The following CSTPP1 variants were observed in gnomAD, a reference collection of about 807,000 sequenced individuals.
The protein encoded by CSTPP1 is centriolar satellite-associated tubulin polyglutamylase complex regulator 1.
At chr11:47,084,505 CA>C in the CSTPP1 span, among the ~76,000 whole-genome samples, 1 of 152,050 alleles carries the variant, frequency 6.6e-6, no homozygotes, top group African/African-American at 2.4e-5. Flanking sequence ...CTTCTAAAAG[CA>C]ATAGAGGTTT....
At chr11:47,022,050 T>TA in the CSTPP1 span, among the ~76,000 whole-genome samples, 359 of 151,894 alleles carry the variant, frequency 2.4e-3, 2 homozygotes, top group African/African-American at 8.3e-3. Flanking sequence ...TTTTTTTTTT[T>TA]ATCACGTAAG....
chr11:47,059,286 A>G, the CSTPP1 span, among the ~76,000 whole-genome samples: 2 of 152,224 alleles, frequency 1.3e-5, no homozygotes, highest in Non-Finnish European at 2.9e-5. Flanking sequence ...ACAAGCCTGC[A>G]CATTCTGTAC....
At chr11:46,998,568 C>CT in the CSTPP1 span, among the ~76,000 whole-genome samples, 69 of 151,088 alleles carry the variant, frequency 4.6e-4, no homozygotes, top group South Asian at 1.3e-3. Flanking sequence ...TTTGGGTTTT[C>CT]TTTTTTTTTG....
At chr11:46,956,009 A>G in the CSTPP1 span, among the ~76,000 whole-genome samples, 1 of 144,474 alleles carries the variant, frequency 6.9e-6, no homozygotes, top group Non-Finnish European at 1.5e-5. Flanking sequence ...CACCAAAAAA[A>G]GAAAGAAATG....
At chr11:46,964,591 G>T in the CSTPP1 span, among the ~76,000 whole-genome samples, 2 of 152,142 alleles carry the variant, frequency 1.3e-5, no homozygotes, top group Non-Finnish European at 2.9e-5. Flanking sequence ...GGCCCACAGT[G>T]CTTTCTCTTA....
chr11:47,158,684 C>T, the CSTPP1 span, among the ~76,000 whole-genome samples: 8 of 152,132 alleles, frequency 5.3e-5, no homozygotes, highest in South Asian at 2.1e-4. Context: ...TACAGGCATG[C>T]GCCACCATCC....
chr11:47,094,433 C>T, the CSTPP1 span, among the ~76,000 whole-genome samples: 1 of 151,648 alleles, frequency 6.6e-6, no homozygotes, highest in East Asian at 1.9e-4. Flanking sequence ...AGGAACCTAA[C>T]AATTTATTAA....
the CSTPP1 span, among the ~76,000 whole-genome samples, chr11:47,142,292 T>C: frequency 6.6e-6 from 1 of 151,774 alleles, no homozygotes; most frequent in Admixed American, 6.6e-5. Flanking sequence ...TGTTTTAGGT[T>C]GGTGTAAAAG....
At chr11:46,946,141 A>G in the CSTPP1 span, among the ~76,000 whole-genome samples, 5 of 152,226 alleles carry the variant, frequency 3.3e-5, no homozygotes, top group Non-Finnish European at 5.9e-5. Flanking sequence ...GCCTACCTCC[A>G]TTTCTCCAAA....
the CSTPP1 span, among the ~76,000 whole-genome samples, chr11:47,125,679 T>C: frequency 6.6e-6 from 1 of 152,174 alleles, no homozygotes; most frequent in South Asian, 2.1e-4. Context: ...GCTAATAACA[T>C]AAAATTTCAT....
At chr11:46,970,902 G>T in the CSTPP1 span, among the ~76,000 whole-genome samples, 1 of 152,018 alleles carries the variant, frequency 6.6e-6, no homozygotes, top group Non-Finnish European at 1.5e-5. Flanking sequence ...AATAAATTAT[G>T]GTATTTCTAT....
At chr11:47,066,301 G>A in the CSTPP1 span, among the ~76,000 whole-genome samples, 1 of 151,914 alleles carries the variant, frequency 6.6e-6, no homozygotes, top group South Asian at 2.1e-4. Context: ...TTGATTCCCA[G>A]CTGGGGCCAC....
At chr11:46,967,191 TA>T in the CSTPP1 span, among the ~76,000 whole-genome samples, 4 of 152,226 alleles carry the variant, frequency 2.6e-5, no homozygotes, top group Non-Finnish European at 5.9e-5. Context: ...TTTTAGCTCT[TA>T]CATTTAGGTC....
At chr11:47,074,954 G>T in the CSTPP1 span, among the ~76,000 whole-genome samples, 1 of 152,164 alleles carries the variant, frequency 6.6e-6, no homozygotes, top group Admixed American at 6.5e-5. Context: ...GGAGAATATA[G>T]TTCTATTTTT....
At chr11:46,981,594 G>A in the CSTPP1 span, among the ~76,000 whole-genome samples, 3 of 152,034 alleles carry the variant, frequency 2.0e-5, no homozygotes, top group Non-Finnish European at 4.4e-5. Flanking sequence ...GTAAGATGGG[G>A]CACTTTGTAG....
the CSTPP1 span, among the ~76,000 whole-genome samples, chr11:47,007,113 C>T: frequency 6.6e-6 from 1 of 150,976 alleles, no homozygotes; most frequent in Non-Finnish European, 1.5e-5. Context: ...AGGTTCAACC[C>T]ACTCTGCCTT....
At chr11:47,073,064 C>T in the CSTPP1 span, among the ~76,000 whole-genome samples, 1 of 152,136 alleles carries the variant, frequency 6.6e-6, no homozygotes, top group African/African-American at 2.4e-5. Flanking sequence ...GTTGAGACTA[C>T]TTTTTTCTTC....
At chr11:46,993,170 T>C in the CSTPP1 span, among the ~76,000 whole-genome samples, 1 of 152,242 alleles carries the variant, frequency 6.6e-6, no homozygotes, top group Non-Finnish European at 1.5e-5. Flanking sequence ...GCAGAAATTT[T>C]CTCCCATTCT....
the CSTPP1 span, among the ~76,000 whole-genome samples, chr11:47,063,527 G>T: frequency 6.6e-6 from 1 of 152,006 alleles, no homozygotes; most frequent in Non-Finnish European, 1.5e-5. Context: ...TCTACTTTCT[G>T]TATCTATGTA....
Sources: gnomAD v4.1 joint callset for allele counts (sites outside exome capture counted in the v4.1 genomes callset) on GRCh38, gnomAD v4.1.1 for gene constraint, MANE v1.5 for transcripts, NCBI Gene and HGNC (gene_info 2026-07-23, HGNC 2026-07-21) for gene names.